PCSK5: variants seen among roughly 807,000 people sequenced by gnomAD.
PCSK5 encodes prohormone convertase 5.
Under a neutral mutation model 233.2 loss-of-function variants are expected in PCSK5, and 129 were observed. The ratio of observed to expected loss-of-function variants is 0.55; its 90% CI spans 0.48 to 0.64. The LOEUF (loss-of-function observed/expected upper bound fraction) is 0.64. Among genes scored for constraint, PCSK5 ranks in the 30% least tolerant of loss-of-function variants. The pLI, the probability that PCSK5 is intolerant of heterozygous loss-of-function variation, is 0.00. For synonymous variants in PCSK5, 825 were observed against 879.2 expected (o/e 0.94, Z 1.09); for missense variants, 2,076 against 2,430.1 (o/e 0.85, Z 3.06).
intron 20 of PCSK5, among the ~76,000 whole-genome samples, chr9:76,197,448 G>C (rs1824747358): frequency 6.6e-6 from 1 of 152,152 alleles, no homozygotes; most frequent in Admixed American, 6.5e-5. Context: ...GATTGCTATA[G>C]TAACTACTAA....
rs59248860 is a variant in PCSK5, at chr9:76,173,496, C to CTTTTTTTTTTTTTTT, written c.1757-1468_1757-1454dup. Among the ~76,000 whole-genome samples the CTTTTTTTTTTTTTTT allele has an allele frequency of 2.3e-3, 143 of 60,988 alleles. 23 individuals are homozygous for CTTTTTTTTTTTTTTT. The highest frequency in any genetic ancestry group is 3.0e-3 in the Non-Finnish European group (91 of 30,122). The allele number at this position is 60,988 out of a possible 152,430, so 40.0% of individuals were successfully genotyped here. A position where few individuals can be genotyped will look rare whatever the true frequency, so the allele number is the denominator to read the frequency against. On this transcript the variant is annotated intron_variant, in intron 13 of 37. Transcript: ENST00000674117. ...CTTTAATGAAATGGAGGCACGTTTCCTTTTTTTTTTTTTTTTTTTTTTTTT... is the reference window on the plus strand; with the variant it reads ...CTTTAATGAAATGGAGGCACGTTTCCTTTTTTTTTTTTTTTTTTTTTTTTTTTTTTTTTTTTTTTT...
In PCSK5 at chr9:76,009,635, A is replaced by C. The variant is rs1827641667; in HGVS notation, c.412-14103A>C. ...AGCGAGACTCCGTCTCAAGGAAAAA[A>C]AAAAAAACAAAAAAGAAAAATCCTA... is the stretch of plus-strand genomic sequence containing the variant. On this transcript the variant is annotated intron_variant, in intron 3 of 37. Transcript: ENST00000674117. Among the ~76,000 whole-genome samples, 2 of 151,858 alleles carry C rather than the reference A, an allele frequency of 1.3e-5. 1 individual carries two copies. Among genetic ancestry groups the C allele is most frequent in the South Asian group, 4.2e-4 (2 of 4,814 alleles).
intron 7 of PCSK5, among the ~76,000 whole-genome samples, chr9:76,094,118 T>A (rs879204596): frequency 6.6e-6 from 1 of 152,210 alleles, no homozygotes; most frequent in Admixed American, 6.5e-5. Flanking sequence ...TAAAGCATTT[T>A]TTCCAAGTTC....
At chr9:76,315,642 CTTTT>C (rs34118608) in intron 30 of PCSK5, among the ~76,000 whole-genome samples, 1 of 114,584 alleles carries the variant, frequency 8.7e-6, no homozygotes. Context: ...GAGAAGACTA[CTTTT>C]TTTTTTTTTT....
At chr9:76,058,144 C>T (rs780486222) in intron 5 of PCSK5, among the ~76,000 whole-genome samples, 30 of 152,280 alleles carry the variant, frequency 2.0e-4, no homozygotes, top group African/African-American at 6.3e-4. Context: ...CAACCATGCC[C>T]GACCTTAAGG....
At chr9:76,027,682 T>C (rs1423730149) in intron 5 of PCSK5, among the ~76,000 whole-genome samples, 8 of 151,698 alleles carry the variant, frequency 5.3e-5, no homozygotes, top group Admixed American at 4.6e-4. Flanking sequence ...CAGAATATTT[T>C]AACATTCCTC....
chr9:76,136,690 G>T (rs1447173702), intron 10 of PCSK5, among the ~76,000 whole-genome samples: 2 of 151,976 alleles, frequency 1.3e-5, no homozygotes, highest in Non-Finnish European at 2.9e-5. Flanking sequence ...TGTTTTCCCA[G>T]TGTTGAGTAA....
intron 9 of PCSK5, among the ~76,000 whole-genome samples, chr9:76,125,980 T>A (rs1260326968): frequency 6.6e-6 from 1 of 152,212 alleles, no homozygotes; most frequent in African/African-American, 2.4e-5. Context: ...CTCTGTCTCC[T>A]GTGTACCCCT....
chr9:76,139,736 A>G (rs372178115), intron 10 of PCSK5, among the ~76,000 whole-genome samples: 7 of 152,066 alleles, frequency 4.6e-5, no homozygotes, highest in East Asian at 3.9e-4. Flanking sequence ...GTATTTATTG[A>G]CCATTGTGTA....
In PCSK5 at chr9:76,354,105, A is replaced by C; in HGVS notation, c.5140A>C (p.Thr1714Pro). 1 of 1,606,274 alleles carries C rather than the reference A, an allele frequency of 6.2e-7. No individual in the cohort carries two copies. The highest frequency in any genetic ancestry group is 2.2e-5 in the East Asian group (1 of 44,596). ...ECKGPGAKNCTLCPANLVLHM... is the reference protein window; with the variant it reads ...ECKGPGAKNCPLCPANLVLHM... ...CAAGGGACCAGGGGCCAAGAACTGC[A>C]CCTTGTGCCCTGCCAACCTGGTGCT... The change falls in exon 37 of 38, where the codon ACC becomes CCC. Residue 1714 changes from threonine (T) to proline (P), a missense_variant. Around this residue, in one of 6 missense-constraint regions of PCSK5, gnomAD observed 1,510 missense variants for 1,538.1 expected, o/e 0.98. Coordinates refer to ENST00000674117, the MANE Select transcript of PCSK5 (RefSeq NM_001372043.1).
At chr9:76,079,629 T>C (rs1830764445) in intron 7 of PCSK5, among the ~76,000 whole-genome samples, 1 of 152,230 alleles carries the variant, frequency 6.6e-6, no homozygotes. Flanking sequence ...TAGTTTGACT[T>C]CTTTTCCTAC....
At chr9:75,977,180 T>G (rs1826058997) in intron 2 of PCSK5, among the ~76,000 whole-genome samples, 2 of 152,186 alleles carry the variant, frequency 1.3e-5, no homozygotes, top group African/African-American at 4.8e-5. Flanking sequence ...AAATTGTTCT[T>G]TAATGGGTGG....
intron 2 of PCSK5, among the ~76,000 whole-genome samples, chr9:75,972,262 T>C (rs1825842384): frequency 6.6e-6 from 1 of 152,240 alleles, no homozygotes; most frequent in African/African-American, 2.4e-5. Context: ...ACCACTATCA[T>C]GCTGTTTTGG....
chr9:76,179,268 G>C (rs985212885), intron 14 of PCSK5, among the ~76,000 whole-genome samples: 1 of 151,934 alleles, frequency 6.6e-6, no homozygotes, highest in Non-Finnish European at 1.5e-5. Flanking sequence ...ATACTTAATT[G>C]CAGTTGGTTT....
At chr9:75,988,494 C>T (rs975389439) in intron 3 of PCSK5, among the ~76,000 whole-genome samples, 3 of 151,980 alleles carry the variant, frequency 2.0e-5, no homozygotes, top group Admixed American at 2.0e-4. Context: ...GTTGCCCAGG[C>T]TTGTCTCGAC....
intron 2 of PCSK5, among the ~76,000 whole-genome samples, chr9:75,960,922 C>T (rs1419524639): frequency 1.3e-5 from 2 of 149,454 alleles, no homozygotes; most frequent in African/African-American, 4.9e-5. Flanking sequence ...AGAAGGCTCT[C>T]TCCAGAAACC....
chr9:76,116,111 A>T (rs1413601191), intron 9 of PCSK5, among the ~76,000 whole-genome samples: 1 of 152,106 alleles, frequency 6.6e-6, no homozygotes, highest in Non-Finnish European at 1.5e-5. Context: ...AAAAGTAAAT[A>T]AGGAAAATAA....
chr9:76,021,649 C>T (rs930934781), intron 3 of PCSK5, among the ~76,000 whole-genome samples: 1 of 152,084 alleles, frequency 6.6e-6, no homozygotes. Flanking sequence ...TGGGTGCACC[C>T]TTTCTTAGAA....
At chr9:75,932,169 C>T (rs1041412841) in intron 1 of PCSK5, among the ~76,000 whole-genome samples, 9 of 152,174 alleles carry the variant, frequency 5.9e-5, no homozygotes, top group African/African-American at 2.2e-4. Flanking sequence ...CAGTCACTGC[C>T]TCAAGGACAC....
Sources: gnomAD v4.1 joint callset for allele counts (sites outside exome capture counted in the v4.1 genomes callset) on GRCh38, gnomAD v4.1.1 for gene constraint, gnomAD v4.1.1 regional missense constraint, MANE v1.5 for transcripts, NCBI Gene and HGNC (gene_info 2026-07-23, HGNC 2026-07-21) for gene names.